Variants in MYO9A observed in about 807,000 individuals in gnomAD.
MYO9A encodes the protein unconventional myosin-IXa.
Under a neutral mutation model 293.3 loss-of-function variants are expected in MYO9A, and 103 were observed. That is an observed-to-expected ratio of 0.35 (90% CI 0.30 to 0.41). The LOEUF (loss-of-function observed/expected upper bound fraction) is 0.41. Ranked by LOEUF, MYO9A falls within the 10% of genes least tolerant of loss-of-function variation. The pLI is 1.00. For missense variants in MYO9A, 2,685 were observed against 3,033.0 expected (o/e 0.89, Z 2.69); for synonymous variants, 1,001 against 1,035.7 (o/e 0.97, Z 0.64).
chr15:71,969,437 T>A (rs564640474), intron 12 of MYO9A, among the ~76,000 whole-genome samples: 3 of 152,338 alleles, frequency 2.0e-5, no homozygotes, highest in East Asian at 3.9e-4. Flanking sequence ...AAATAAATTT[T>A]CCTATAATAG....
intron 8 of MYO9A, among the ~76,000 whole-genome samples, chr15:72,006,633 G>A (rs1425999548): frequency 6.6e-6 from 1 of 152,108 alleles, no homozygotes; most frequent in Non-Finnish European, 1.5e-5. Context: ...TCTTGCATCT[G>A]TCAAAAACCA....
chr15:71,898,736 G>C lies in MYO9A; in HGVS notation c.3767C>G (p.Pro1256Arg). The C allele has an allele frequency of 6.2e-7, 1 of 1,613,898 alleles. No homozygotes were observed. Among genetic ancestry groups the C allele is most frequent in the Non-Finnish European group, 8.5e-7 (1 of 1,179,972 alleles). ...CTGATGGAGATCCTCCAAGGATCTG[G>C]GTCTCTCTCTTACAAGCACATCTTC... is the stretch of plus-strand genomic sequence containing the variant. Reference protein sequence around the residue: ...LQEDVLVRERPRSLEDLHQKK... With the variant: ...LQEDVLVRERRRSLEDLHQKK... The change falls in exon 25 of 42, where the codon CCC (proline) becomes CGC (arginine). Residue 1256 changes from proline (P) to arginine (R), a missense_variant. Transcript: ENST00000356056.
rs1204131583 is a variant in MYO9A at position 71,999,903 on chromosome 15, C to T, written c.1418G>A (p.Arg473Lys). 4 of 1,612,570 alleles carry T rather than the reference C, an allele frequency of 2.5e-6. No homozygotes were observed. Among genetic ancestry groups the T allele is most frequent in the African/African-American group, 2.7e-5 (2 of 74,836 alleles). Residue 473 changes from arginine to lysine, a missense_variant, in exon 9 of 42, where the codon AGG becomes AAG. Physicochemically the swap from Arg to Lys is conservative, Grantham distance 26. This residue lies in a region of MYO9A where 289 missense variants were observed against 456.8 expected (regional missense o/e 0.63). Transcript: ENST00000356056. ...CTTTTCTCCCACTGTCACCGTCTTC[C>T]TTGTAACTAATGCTTCAAATAGCAT... is the stretch of plus-strand genomic sequence containing the variant. ...EEMLFEALVT[R>K]KTVTVGEKLI...
At chr15:72,117,566 C>CGCGGGGCGTCTCCGCTGGGACGGG (rs2081041301) in intron 1 of MYO9A, 114 bp downstream of exon 1, 4 of 375,222 alleles carry the variant, frequency 1.1e-5, no homozygotes, top group Non-Finnish European at 1.9e-5. Flanking sequence ...CAGACCCGCT[C>CGCGGGGCGTCTCCGCTGGGACGGG]GCGGGGCGTC....
chr15:71,982,037 T>G (rs12591656), intron 11 of MYO9A, among the ~76,000 whole-genome samples: 21 of 68,870 alleles, frequency 3.0e-4, no homozygotes, highest in African/African-American at 4.3e-4. Context: ...TTTTTTTTTT[T>G]GGGACAGAGT....
chr15:72,083,465 T>G (rs1363452827), intron 1 of MYO9A, among the ~76,000 whole-genome samples: 1 of 152,208 alleles, frequency 6.6e-6, no homozygotes, highest in Non-Finnish European at 1.5e-5. Flanking sequence ...AATCCTAAAT[T>G]CACTGATGTT....
At chr15:71,963,483 T>C (rs957572382) in intron 13 of MYO9A, among the ~76,000 whole-genome samples, 14 of 150,262 alleles carry the variant, frequency 9.3e-5, no homozygotes, top group African/African-American at 3.4e-4. Flanking sequence ...AGTTTCGCTC[T>C]TGTTGCTCAG....
chr15:72,067,584 A>G (rs1473054665), intron 1 of MYO9A, among the ~76,000 whole-genome samples: 1 of 152,118 alleles, frequency 6.6e-6, no homozygotes, highest in Admixed American at 6.6e-5. Flanking sequence ...CCCAGCCTCC[A>G]ATATTTATTT....
At chr15:72,064,390 T>C (rs138196310) in intron 1 of MYO9A, among the ~76,000 whole-genome samples, 40 of 152,310 alleles carry the variant, frequency 2.6e-4, no homozygotes, top group African/African-American at 9.4e-4. Flanking sequence ...AATGTGATTA[T>C]TATACACCGT....
At position 71,824,327 on chromosome 15, in the gene MYO9A, A is replaced by AACTT. The variant is rs2054381933; in HGVS notation, c.*2249_*2252dup. 1 of 152,118 alleles carries AACTT rather than the reference A, an allele frequency of 6.6e-6. No individual in the cohort carries two copies. The highest frequency in any genetic ancestry group is 2.1e-4 in the South Asian group (1 of 4,832). The allele number at this position is 152,118 out of a possible 1,614,324, so 9.4% of individuals were successfully genotyped here. On this transcript the variant is annotated 3_prime_UTR_variant, in exon 42 of 42. Transcript: ENST00000356056. Reference sequence around the variant, plus strand: ...ATCAGTCGTTTTTTAACTGCCAAAAAACTTATTTTGCCAAAAAAGCCCCAC... The same window carrying AACTT: ...ATCAGTCGTTTTTTAACTGCCAAAAAACTTACTTATTTTGCCAAAAAAGCCCCAC...
intron 1 of MYO9A, among the ~76,000 whole-genome samples, chr15:72,096,601 A>G (rs1219843816): frequency 6.6e-6 from 1 of 152,244 alleles, no homozygotes; most frequent in Non-Finnish European, 1.5e-5. Context: ...TCCACTCTGC[A>G]GCCCATGGAT....
In MYO9A at chr15:71,899,607, T is replaced by C. The variant is rs560653859; in HGVS notation, c.3470+80A>G. 3.2e-5 allele frequency: 40 copies of C among 1,240,126 alleles called. 1 individual carries two copies. In the African/African-American group the frequency reaches 5.0e-4, roughly 15 times the overall value. The allele number at this position is 1,240,126 out of a possible 1,614,324, so 76.8% of individuals were successfully genotyped here. Reference sequence around the variant, plus strand: ...GTATACAACCAATTCTAATACAAATTAGACAAGTGTTAATGCAGAGGTATA... The same window carrying C: ...GTATACAACCAATTCTAATACAAATCAGACAAGTGTTAATGCAGAGGTATA... On this transcript the variant is annotated intron_variant, in intron 24 of 41. Coordinates refer to ENST00000356056, the MANE Select transcript of MYO9A (RefSeq NM_006901.4).
intron 1 of MYO9A, among the ~76,000 whole-genome samples, chr15:72,083,656 T>C (rs2079621120): frequency 6.6e-6 from 1 of 152,234 alleles, no homozygotes; most frequent in Non-Finnish European, 1.5e-5. Flanking sequence ...CTGTAAGTTT[T>C]CCTCTTTACA....
chr15:71,883,863 A>G (rs977952030), intron 27 of MYO9A, 127 bp from the exon 28 acceptor site: 32 of 858,414 alleles, frequency 3.7e-5, no homozygotes, highest in Non-Finnish European at 5.0e-5. Flanking sequence ...ATTTAAATTA[A>G]GTGTATTTAT....
chr15:72,117,620 G>T (rs904411866), intron 1 of MYO9A, 60 bp downstream of exon 1: 243 of 393,936 alleles, frequency 6.2e-4, no homozygotes, highest in African/African-American at 4.2e-3. Flanking sequence ...GCCAAATAGC[G>T]AGGCTGAGAC....
At chr15:72,042,234 G>T (rs940704131) in intron 2 of MYO9A, among the ~76,000 whole-genome samples, 3 of 149,236 alleles carry the variant, frequency 2.0e-5, no homozygotes, top group Non-Finnish European at 4.4e-5. Context: ...GCATGATGGT[G>T]CATGCCTATA....
chr15:71,910,322 T>C (rs2057810704), intron 19 of MYO9A, among the ~76,000 whole-genome samples: 2 of 151,806 alleles, frequency 1.3e-5, no homozygotes, highest in African/African-American at 4.8e-5. Flanking sequence ...AAGTTAATTT[T>C]ACCTACTATT....
In MYO9A at chr15:71,936,257, T is replaced by C. The variant is rs532233980; in HGVS notation, c.2379-773A>G. Among the ~76,000 whole-genome samples the C allele has an allele frequency of 2.0e-5, 3 of 152,196 alleles. No homozygotes were observed. In the South Asian group the frequency reaches 6.2e-4, roughly 32 times the overall value. ...CATGACCCCACTCGTATGTGGAATC[T>C]AAATAAGCTGCTCTCACAGAAGTAC... On this transcript the variant is annotated intron_variant, in intron 16 of 41. Transcript: ENST00000356056.
chr15:72,072,938 A>G (rs2079240030), intron 1 of MYO9A, among the ~76,000 whole-genome samples: 1 of 152,232 alleles, frequency 6.6e-6, no homozygotes, highest in Admixed American at 6.5e-5. Flanking sequence ...TATGTTTATT[A>G]TAGCACTAGT....
Sources: allele counts gnomAD v4.1 joint callset (sites outside exome capture counted in the v4.1 genomes callset), GRCh38; gene constraint gnomAD v4.1.1; regional missense constraint gnomAD v4.1.1; transcripts MANE v1.5; gene names NCBI Gene and HGNC (gene_info 2026-07-23, HGNC 2026-07-21).